Variants in SOX5 observed in about 807,000 individuals in gnomAD.
SOX5 encodes transcription factor SOX-5.
Under a neutral mutation model 92.0 loss-of-function variants are expected in SOX5, and 9 were observed. The observed-to-expected ratio is 0.10, with a 90% CI of 0.06 to 0.17. SOX5 has a LOEUF of 0.17. Among genes scored for constraint, SOX5 ranks in the 10% least tolerant of loss-of-function variants. SOX5 has a pLI of 1.00. For missense variants in SOX5, 642 were observed against 944.5 expected, an observed-to-expected ratio of 0.68 and a Z score of 4.20; for synonymous variants, 344 against 336.3, an observed-to-expected ratio of 1.02 and a Z score of -0.25.
chr12:24,137,214 G>A (rs1465809467), intron 4 of SOX5, among the ~76,000 whole-genome samples: 1 of 151,614 alleles, frequency 6.6e-6, no homozygotes, highest in Non-Finnish European at 1.5e-5. Context: ...CGGCATATGT[G>A]GTCTAATAAA....
At chr12:24,361,998 T>C (rs1264227151) in intron 2 of SOX5, among the ~76,000 whole-genome samples, 1 of 152,200 alleles carries the variant, frequency 6.6e-6, no homozygotes, top group Non-Finnish European at 1.5e-5. Context: ...AGAACCTAAA[T>C]AACTGTTTTA....
At chr12:24,131,155 G>A (rs1031377763) in intron 4 of SOX5, among the ~76,000 whole-genome samples, 1 of 152,118 alleles carries the variant, frequency 6.6e-6, no homozygotes, top group Non-Finnish European at 1.5e-5. Context: ...CCCAATTAGA[G>A]GTGAAGATAG....
At chr12:23,551,231 CCCT>C (rs1373235399) in intron 11 of SOX5, among the ~76,000 whole-genome samples, 1 of 151,852 alleles carries the variant, frequency 6.6e-6, no homozygotes, top group Non-Finnish European at 1.5e-5. Context: ...AAACAAAAAA[CCCT>C]CCAATTATGT....
At chr12:24,477,381 A>C (rs4963764) in intron 1 of SOX5, among the ~76,000 whole-genome samples, 1 of 151,858 alleles carries the variant, frequency 6.6e-6, no homozygotes, top group East Asian at 1.9e-4. Context: ...TGATCCACCC[A>C]CCTCGGCCTC....
At chr12:23,654,335 T>C (rs547441611) in intron 7 of SOX5, among the ~76,000 whole-genome samples, 7 of 152,236 alleles carry the variant, frequency 4.6e-5, no homozygotes, top group African/African-American at 1.7e-4. Flanking sequence ...CTTATCCTCT[T>C]AGGTATGAAA....
chr12:23,639,556 C>T (rs1452597323), intron 8 of SOX5, among the ~76,000 whole-genome samples: 9 of 152,150 alleles, frequency 5.9e-5, no homozygotes, highest in Admixed American at 5.9e-4. Context: ...AGTTATTCCC[C>T]AGATCTCATT....
rs146482599 is a variant in SOX5, at chr12:24,482,701, T to C, written c.-251+79628A>G. 3.3e-5 allele frequency among the ~76,000 whole-genome samples: 5 copies of C among 152,356 alleles called. No individual in the cohort carries two copies. In the East Asian group the frequency reaches 9.6e-4, roughly 29 times the overall value. ...TCAGGATAAGTCTTCATTTATGATT[T>C]CATTTTGTGATACTACTTTTAATTT... On this transcript the variant is annotated intron_variant, in intron 1 of 4. Transcript: ENST00000446891.
At chr12:23,971,121 C>CTTTTTTTTTTTTTT (rs71059953) in intron 4 of SOX5, among the ~76,000 whole-genome samples, 3 of 86,222 alleles carry the variant, frequency 3.5e-5, no homozygotes, top group Admixed American at 1.4e-4. Context: ...TGTCAGCTGA[C>CTTTTTTTTTTTTTT]TTTTTTTTTT....
chr12:24,379,012 A>G lies in SOX5; in HGVS notation c.-250-10373T>C, dbSNP rs556999401. 1.2e-4 allele frequency among the ~76,000 whole-genome samples: 18 copies of G among 152,252 alleles called. No homozygotes were observed. In the South Asian group the frequency reaches 3.5e-3, roughly 30 times the overall value. ...AACCAATATGCCAACTGCAGCCCAT[A>G]CTGTCCTACAGCAAAAGCACACAGC... On this transcript the variant is annotated intron_variant, in intron 1 of 4. Coordinates refer to the SOX5 transcript ENST00000446891.
intron 1 of SOX5, among the ~76,000 whole-genome samples, chr12:23,924,598 G>A (rs1296933908): frequency 6.6e-6 from 1 of 152,078 alleles, no homozygotes; most frequent in African/African-American, 2.4e-5. Context: ...ATAACTTGCA[G>A]GCTACCAGTA....
chr12:24,258,482 T>C (rs1441992561), intron 3 of SOX5, among the ~76,000 whole-genome samples: 1 of 152,224 alleles, frequency 6.6e-6, no homozygotes, highest in Non-Finnish European at 1.5e-5. Context: ...CATTTTCTAA[T>C]AACAACACTC....
chr12:24,554,288 C>T (rs1442025702), intron 1 of SOX5, among the ~76,000 whole-genome samples: 1 of 152,130 alleles, frequency 6.6e-6, no homozygotes, highest in Admixed American at 6.5e-5. Flanking sequence ...TATAAACCTG[C>T]CACAATGGAG....
chr12:24,115,251 A>G (rs1187384769), intron 4 of SOX5, among the ~76,000 whole-genome samples: 1 of 152,242 alleles, frequency 6.6e-6, no homozygotes, highest in East Asian at 1.9e-4. Flanking sequence ...AGAACAAAAA[A>G]GAAACAAAAT....
chr12:23,720,330 T>C (rs1378616000), intron 6 of SOX5, among the ~76,000 whole-genome samples: 1 of 152,112 alleles, frequency 6.6e-6, no homozygotes, highest in African/African-American at 2.4e-5. Flanking sequence ...AATGGGAAAA[T>C]ATTTTTCTTA....
At chr12:23,993,918 T>G (rs1950803047) in intron 4 of SOX5, among the ~76,000 whole-genome samples, 1 of 151,952 alleles carries the variant, frequency 6.6e-6, no homozygotes, top group Admixed American at 6.6e-5. Flanking sequence ...TATGTATGCA[T>G]GTATGCATGT....
Position 23,971,121 on chromosome 12 carries a change from C to CTTTTTTTTTT in SOX5, c.-1-75107_-1-75098dup, listed in dbSNP as rs71059953. The stretch of plus-strand genomic sequence containing the variant: ...CCATCTGAGTAGGTGTGTCAGCTGA[C>CTTTTTTTTTT]TTTTTTTTTTTTTTTTTTTGAGAGG... On this transcript the variant is annotated intron_variant, in intron 4 of 4. Coordinates refer to the SOX5 transcript ENST00000446891. Among the ~76,000 whole-genome samples the CTTTTTTTTTT allele has an allele frequency of 1.8e-3, 152 of 86,196 alleles. 17 individuals are homozygous for CTTTTTTTTTT. Among genetic ancestry groups the CTTTTTTTTTT allele is most frequent in the African/African-American group, 2.7e-3 (49 of 18,376 alleles). The allele number at this position is 86,196 out of a possible 152,430, so 56.5% of individuals were successfully genotyped here. A position where few individuals can be genotyped will look rare whatever the true frequency, so the allele number is the denominator to read the frequency against.
chr12:24,220,369 GC>G (rs1353809847), intron 3 of SOX5, among the ~76,000 whole-genome samples: 7 of 150,708 alleles, frequency 4.6e-5, no homozygotes, highest in African/African-American at 1.7e-4. Context: ...AACTAATGAT[GC>G]ACACACATTC....
chr12:24,184,787 C>T (rs1955852672), intron 4 of SOX5, among the ~76,000 whole-genome samples: 1 of 152,040 alleles, frequency 6.6e-6, no homozygotes, highest in Non-Finnish European at 1.5e-5. Flanking sequence ...TCATTCTTTA[C>T]AGGTCCAGAA....
intron 1 of SOX5, among the ~76,000 whole-genome samples, chr12:24,389,562 T>A (rs1056573732): frequency 3.3e-5 from 5 of 152,226 alleles, no homozygotes; most frequent in Non-Finnish European, 4.4e-5. Flanking sequence ...CCTGACATCA[T>A]TTCTTTTCAT....
Sources: gnomAD v4.1 joint callset for allele counts (sites outside exome capture counted in the v4.1 genomes callset) on GRCh38, gnomAD v4.1.1 for gene constraint, MANE v1.5 for transcripts, NCBI Gene and HGNC (gene_info 2026-07-23, HGNC 2026-07-21) for gene names.